MAP2K5: variants seen among roughly 807,000 people sequenced by gnomAD.
The protein encoded by MAP2K5 is mitogen-activated protein kinase kinase 5, also known as dual specificity mitogen-activated protein kinase kinase 5.
A neutral mutation model predicts 83.1 loss-of-function variants in MAP2K5; 49 were observed. The observed-to-expected ratio is 0.59, with a 90% confidence interval of 0.47 to 0.75. The LOEUF (loss-of-function observed/expected upper bound fraction) is 0.75. MAP2K5 is among the 30% of genes least tolerant of loss of function. The pLI is 0.00. For missense variants in MAP2K5, 457 were observed against 557.5 expected (o/e 0.82, Z 1.82); for synonymous variants, 202 against 191.8 (o/e 1.05, Z -0.44).
chr15:67,551,963 G>A lies in MAP2K5; in HGVS notation c.184+1881G>A, dbSNP rs757091372. Among the ~76,000 whole-genome samples, 15 of 151,866 alleles carry A rather than the reference G, an allele frequency of 9.9e-5. 1 individual carries two copies. The South Asian group carries it at 2.5e-3, about 25-fold the overall frequency. ...CCCATTTTGTAAAATATCCAACCAC[G>A]CTTCCCCAACTTTATGTGTGTATTG... On this transcript the variant is annotated intron_variant, in intron 2 of 21. Coordinates refer to ENST00000178640, the MANE Select transcript of MAP2K5 (RefSeq NM_145160.3).
rs146025371 is a variant in MAP2K5, at chr15:67,544,537, G to T, written c.135+1067G>T. 4.5e-3 allele frequency among the ~76,000 whole-genome samples: 683 copies of T among 152,248 alleles called. 2 individuals carry two copies. Among genetic ancestry groups the T allele is most frequent in the Admixed American group, 7.1e-3 (109 of 15,288 alleles). ...GAGTCAGTACCAGAACTAAAATTTT[G>T]TTTCATTGACTTAGTAGGTTTCTTT... On this transcript the variant is annotated intron_variant, in intron 1 of 21. Transcript: ENST00000178640.
intron 21 of MAP2K5, among the ~76,000 whole-genome samples, chr15:67,791,061 C>T (rs545717340): frequency 6.6e-6 from 1 of 152,214 alleles, no homozygotes; most frequent in Non-Finnish European, 1.5e-5. Flanking sequence ...GAATAGTCCA[C>T]CTGTGAGACA....
chr15:67,681,747 C>G (rs1198997298), intron 13 of MAP2K5, among the ~76,000 whole-genome samples: 1 of 152,168 alleles, frequency 6.6e-6, no homozygotes, highest in Non-Finnish European at 1.5e-5. Flanking sequence ...AAACTTATTT[C>G]TCTTTAGTGG....
chr15:67,725,715 A>G (rs965109450), intron 16 of MAP2K5, among the ~76,000 whole-genome samples: 1 of 152,230 alleles, frequency 6.6e-6, no homozygotes, highest in African/African-American at 2.4e-5. Flanking sequence ...AAGTATATGC[A>G]AAAGTCATAA....
chr15:67,788,142 G>T (rs1322967828), intron 21 of MAP2K5, among the ~76,000 whole-genome samples: 1 of 152,196 alleles, frequency 6.6e-6, no homozygotes, highest in African/African-American at 2.4e-5. Context: ...CTTTGATGTT[G>T]ATTTATATGT....
At chr15:67,787,052 G>T (rs572832805) in intron 21 of MAP2K5, among the ~76,000 whole-genome samples, 2 of 152,308 alleles carry the variant, frequency 1.3e-5, no homozygotes, top group African/African-American at 4.8e-5. Flanking sequence ...TGGAAGGGCT[G>T]TGCACACCAG....
At chr15:67,613,003 AGG>A (rs2085965402) in intron 8 of MAP2K5, among the ~76,000 whole-genome samples, 1 of 6,444 alleles carries the variant, frequency 1.6e-4, no homozygotes, top group Non-Finnish European at 1.7e-3. Context: ...TAGTTAAAAG[AGG>A]AGTTATTTAC....
At position 67,698,807 on chromosome 15, in the gene MAP2K5, T is replaced by C. The variant is rs1596815715; in HGVS notation, c.973-4530T>C. The stretch of plus-strand genomic sequence containing the variant: ...GATCCAACTCAATTGGCTATGCTCA[T>C]GCGATGGTAGTAATGGTAGTGGTGG... On this transcript the variant is annotated intron_variant, in intron 15 of 21. Coordinates refer to ENST00000178640, the MANE Select transcript of MAP2K5 (RefSeq NM_145160.3). The surrounding 1 kb of genome is among the most constrained non-coding windows in gnomAD (Gnocchi z 4.5). Among the ~76,000 whole-genome samples, 1 of 152,190 alleles carries C rather than the reference T, an allele frequency of 6.6e-6. No individual in the cohort carries two copies. Among genetic ancestry groups the C allele is most frequent in the East Asian group, 1.9e-4 (1 of 5,202 alleles).
chr15:67,609,483 T>C (rs553749164), intron 8 of MAP2K5, among the ~76,000 whole-genome samples: 19 of 148,230 alleles, frequency 1.3e-4, no homozygotes, highest in African/African-American at 4.9e-4. Flanking sequence ...TGTAGACCTA[T>C]TCTATAGGTC....
At chr15:67,712,968 C>A (rs2088731076) in intron 16 of MAP2K5, among the ~76,000 whole-genome samples, 1 of 149,216 alleles carries the variant, frequency 6.7e-6, no homozygotes, top group Non-Finnish European at 1.5e-5. Flanking sequence ...CATTAAAGAA[C>A]CAAGTCAAGA....
chr15:67,716,727 T>C (rs2088834602), intron 16 of MAP2K5, among the ~76,000 whole-genome samples: 1 of 152,164 alleles, frequency 6.6e-6, no homozygotes, highest in Admixed American at 6.5e-5. Flanking sequence ...TCTTCTGATG[T>C]GAAATGTAGT....
chr15:67,632,160 C>T (rs142278620), intron 9 of MAP2K5, among the ~76,000 whole-genome samples: 2,772 of 147,766 alleles, frequency 0.019, 92 homozygotes, highest in African/African-American at 0.065. Context: ...AGTGCAGTGG[C>T]GTGATCTAGG....
At chr15:67,615,038 C>T (rs2086024925) in intron 8 of MAP2K5, among the ~76,000 whole-genome samples, 1 of 151,886 alleles carries the variant, frequency 6.6e-6, no homozygotes, top group Non-Finnish European at 1.5e-5. Flanking sequence ...GCTCTTGTTG[C>T]CCAGGCTGGA....
chr15:67,699,970 T>TAAAAAAA (rs5813453), intron 15 of MAP2K5, among the ~76,000 whole-genome samples: 1 of 140,908 alleles, frequency 7.1e-6, no homozygotes, highest in Non-Finnish European at 1.5e-5. Flanking sequence ...CTTGCCAATG[T>TAAAAAAA]AAAAAAAAAA....
chr15:67,651,775 A>G (rs1376371385), intron 11 of MAP2K5, among the ~76,000 whole-genome samples: 2 of 152,182 alleles, frequency 1.3e-5, no homozygotes, highest in Non-Finnish European at 2.9e-5. Flanking sequence ...GGACACTCAG[A>G]TTGATTTCAT....
intron 17 of MAP2K5, among the ~76,000 whole-genome samples, chr15:67,734,579 A>G (rs1006676992): frequency 6.6e-6 from 1 of 152,192 alleles, no homozygotes; most frequent in Non-Finnish European, 1.5e-5. Context: ...GCCTTTGACT[A>G]GTATATTGTT....
chr15:67,588,524 G>A (rs2085332416), intron 6 of MAP2K5, among the ~76,000 whole-genome samples: 1 of 152,206 alleles, frequency 6.6e-6, no homozygotes. Context: ...CTATTTGAGG[G>A]CAGTGACTGT....
At chr15:67,615,870 C>T (rs1170770474) in intron 8 of MAP2K5, among the ~76,000 whole-genome samples, 1 of 152,092 alleles carries the variant, frequency 6.6e-6, no homozygotes, top group Admixed American at 6.5e-5. Context: ...GAGCTTTATA[C>T]AGCAGAGAAG....
chr15:67,597,596 A>G (rs2085555854), intron 7 of MAP2K5, among the ~76,000 whole-genome samples: 1 of 152,246 alleles, frequency 6.6e-6, no homozygotes, highest in Non-Finnish European at 1.5e-5. Flanking sequence ...GCACTTTCTT[A>G]TATAATGAAC....
Sources: gnomAD v4.1 joint callset for allele counts (sites outside exome capture counted in the v4.1 genomes callset) on GRCh38, gnomAD v4.1.1 for gene constraint, Gnocchi (gnomAD v3.1) non-coding constraint, MANE v1.5 for transcripts, NCBI Gene and HGNC (gene_info 2026-07-23, HGNC 2026-07-21) for gene names.